DNAH5: variants seen among roughly 807,000 people sequenced by gnomAD.
DNAH5 encodes dynein axonemal heavy chain 5.
DNAH5 carries 372 observed loss-of-function variants against 518.2 expected under a neutral mutation model. The ratio of observed to expected loss-of-function variants is 0.72; its 90% CI spans 0.66 to 0.78. DNAH5 has a LOEUF of 0.78. Ranked by LOEUF, DNAH5 falls within the 30% of genes least tolerant of loss-of-function variation. The pLI is 0.00. For missense variants in DNAH5, 5,523 were observed against 5,687.0 expected, an observed-to-expected ratio of 0.97 and a Z score of 0.93; for synonymous variants, 2,039 against 2,025.9, an observed-to-expected ratio of 1.01 and a Z score of -0.17.
intron 47 of DNAH5, among the ~76,000 whole-genome samples, chr5:13,804,831 A>C (rs1341900499): frequency 1.3e-5 from 2 of 152,232 alleles, no homozygotes; most frequent in Non-Finnish European, 2.9e-5. Flanking sequence ...TGGTTTATGA[A>C]TTTGTATATC....
At chr5:13,952,639 A>G (rs1780504110) in intron 1 of DNAH5, among the ~76,000 whole-genome samples, 1 of 152,312 alleles carries the variant, frequency 6.6e-6, no homozygotes, top group African/African-American at 2.4e-5. Flanking sequence ...CCCATTTATA[A>G]TCCCATCCAG....
At chr5:13,826,011 A>T (rs1762845706) in intron 38 of DNAH5, among the ~76,000 whole-genome samples, 2 of 152,258 alleles carry the variant, frequency 1.3e-5, no homozygotes, top group Admixed American at 1.3e-4. Context: ...CAGGGAATTT[A>T]AATTCTAATA....
Position 13,787,135 on chromosome 5 carries a change from G to A in DNAH5, c.8648-784C>T, listed in dbSNP as rs559960676. ...CTCGGGAGGCTGAGGCAGGAGAATC[G>A]TCAGGAGGCCGAGGTTGCCATAAGC... On this transcript the variant is annotated intron_variant, in intron 51 of 78. Coordinates refer to ENST00000265104, the MANE Select transcript of DNAH5 (RefSeq NM_001369.3). 2.0e-5 allele frequency among the ~76,000 whole-genome samples: 3 copies of A among 151,182 alleles called. 1 individual carries two copies. Among genetic ancestry groups the A allele is most frequent in the Admixed American group, 1.3e-4 (2 of 15,164 alleles).
intron 1 of DNAH5, among the ~76,000 whole-genome samples, chr5:13,993,653 G>A (rs564463000): frequency 1.3e-5 from 2 of 152,140 alleles, no homozygotes; most frequent in African/African-American, 2.4e-5. Flanking sequence ...CTTATATCCC[G>A]TCTTCCAAAA....
chr5:13,777,489 T>C (rs1754283182), intron 53 of DNAH5, 134 bp from the exon 54 acceptor site: 1 of 653,740 alleles, frequency 1.5e-6, no homozygotes, highest in African/African-American at 1.8e-5. Context: ...ATGTATTCTA[T>C]ATGAATGTTA....
intron 44 of DNAH5, 157 bp from the exon 45 acceptor site, chr5:13,810,417 G>C: frequency 1.4e-6 from 1 of 740,344 alleles, no homozygotes; most frequent in Non-Finnish European, 2.3e-6. Context: ...ATGAAGAACT[G>C]ATCTCTGAGA....
chr5:13,900,313 A>G lies in DNAH5; in HGVS notation c.2152T>C (p.Phe718Leu), dbSNP rs777990201. 1.9e-6 allele frequency: 3 copies of G among 1,614,064 alleles called. No individual in the cohort carries two copies. Among genetic ancestry groups the G allele is most frequent in the African/African-American group, 2.7e-5 (2 of 74,938 alleles). The change falls in exon 15 of 79, where the codon TTT becomes CTT. Residue 718 changes from phenylalanine (F) to leucine (L), a missense_variant. Phe to Leu is a conservative substitution (Grantham distance 22, BLOSUM62 0). Coordinates refer to ENST00000265104, the MANE Select transcript of DNAH5 (RefSeq NM_001369.3). ...TGGGCCATGCACTCTGTTTCTCTAA[A>G]TAAGATTAATATCTGAGGGTCAAAG... ...VNFDPQILIL[F>L]RETECMAQMG...
At chr5:13,929,269 G>T (rs1194330410) in intron 2 of DNAH5, among the ~76,000 whole-genome samples, 1 of 152,176 alleles carries the variant, frequency 6.6e-6, no homozygotes, top group African/African-American at 2.4e-5. Flanking sequence ...CTTGTGTGAG[G>T]TACCTATGGA....
At chr5:13,967,453 A>C (rs895411268) in intron 1 of DNAH5, among the ~76,000 whole-genome samples, 3 of 152,012 alleles carry the variant, frequency 2.0e-5, no homozygotes, top group Admixed American at 6.6e-5. Flanking sequence ...TGCTTTATGT[A>C]TTTATTTGCT....
Position 13,817,634 on chromosome 5 carries a change from A to T in DNAH5, c.6902T>A (p.Met2301Lys). ...MNPKAITAPQ[M>K]FGRLDVATND... is the part of the protein sequence containing the mutation. ...TGTGGCAACGTCCAGCCGACCAAAC[A>T]TCTGTGGGGCAGTAATCGCTTTGGG... The change falls in exon 42 of 79, where the codon ATG (methionine) becomes AAG (lysine). Residue 2301 changes from methionine (M) to lysine (K), a missense_variant. Transcript: ENST00000265104. The T allele has an allele frequency of 6.2e-7, 1 of 1,614,170 alleles. No homozygotes were observed. Among genetic ancestry groups the T allele is most frequent in the Non-Finnish European group, 8.5e-7 (1 of 1,180,006 alleles).
intron 19 of DNAH5, 71 bp downstream of exon 19, chr5:13,884,918 A>G (rs1772182964): frequency 2.0e-6 from 2 of 1,018,738 alleles, no homozygotes; most frequent in Non-Finnish European, 2.6e-6. Flanking sequence ...ACACGTGCAC[A>G]CACACACACA....
chr5:14,000,610 A>G (rs1175099948), intron 1 of DNAH5, among the ~76,000 whole-genome samples: 2 of 150,038 alleles, frequency 1.3e-5, no homozygotes, highest in Non-Finnish European at 1.5e-5. Flanking sequence ...TCTCATACCC[A>G]TCAGAATGGC....
intron 65 of DNAH5, among the ~76,000 whole-genome samples, chr5:13,744,023 T>G (rs1748989877): frequency 6.6e-6 from 1 of 152,068 alleles, no homozygotes; most frequent in Non-Finnish European, 1.5e-5. Flanking sequence ...CGAAGGCATG[T>G]CTGCATCCCC....
In DNAH5 at chr5:13,810,127, C is replaced by A. The variant is rs752940121; in HGVS notation, c.7541G>T (p.Gly2514Val). ...CGCTGGCGGCGGCAGCTCCAGCGTCCCTGTGGGCCGAGAGCGCAGCCAGAG... is the reference window on the plus strand; with the variant it reads ...CGCTGGCGGCGGCAGCTCCAGCGTCACTGTGGGCCGAGAGCGCAGCCAGAG... ...LELWLRSRPT[G>V]TLELPPPAGP... Residue 2514 changes from glycine to valine, a missense_variant, in exon 45 of 79, where the codon GGG becomes GTG. Gly to Val is a moderately radical substitution (Grantham distance 109). Around this residue, in one of 3 missense-constraint regions of DNAH5, gnomAD observed 5,121 missense variants for 5,223.3 expected, o/e 0.98. Transcript: ENST00000265104. 1.4e-5 allele frequency: 22 copies of A among 1,550,000 alleles called. No individual in the cohort carries two copies. In the South Asian group the frequency reaches 2.6e-4, roughly 18 times the overall value.
intron 55 of DNAH5, among the ~76,000 whole-genome samples, chr5:13,771,858 CAAGT>C (rs1417252053): frequency 2.0e-5 from 3 of 152,110 alleles, no homozygotes; most frequent in Admixed American, 1.3e-4. Flanking sequence ...AGAAATGAAT[CAAGT>C]AAGCAAGGCT....
chr5:13,708,341 A>T lies in DNAH5; in HGVS notation c.13126-6T>A. On this transcript the variant is annotated splice_polypyrimidine_tract_variant and splice_region_variant and intron_variant, in intron 75 of 78. Transcript: ENST00000265104. The stretch of plus-strand genomic sequence containing the variant: ...TTCTGCAGCCTCTCTTTTACCTGCC[A>T]TGGAGACATTCAAAGCACATGTTAA... The T allele has an allele frequency of 6.2e-7, 1 of 1,613,694 alleles. No individual in the cohort carries two copies. The highest frequency in any genetic ancestry group is 8.5e-7 in the Non-Finnish European group (1 of 1,179,900).
intron 47 of DNAH5, among the ~76,000 whole-genome samples, chr5:13,806,795 C>T (rs1759665608): frequency 1.3e-5 from 2 of 152,008 alleles, no homozygotes; most frequent in African/African-American, 2.4e-5. Context: ...CTGGTGGTTT[C>T]ATTGGGAAAA....
chr5:13,870,810 C>T lies in DNAH5; in HGVS notation c.3791G>A (p.Arg1264Lys), dbSNP rs754431932. 1.2e-6 allele frequency: 2 copies of T among 1,613,796 alleles called. No individual in the cohort carries two copies. Among genetic ancestry groups the T allele is most frequent in the Non-Finnish European group, 1.7e-6 (2 of 1,179,820 alleles). The change falls in exon 24 of 79, where the codon AGG (arginine) becomes AAG (lysine). Residue 1264 changes from arginine to lysine, a missense_variant. Physicochemically the swap from Arg to Lys is conservative, Grantham distance 26. Around this residue, in one of 3 missense-constraint regions of DNAH5, gnomAD observed 5,121 missense variants for 5,223.3 expected, o/e 0.98. Transcript: ENST00000265104. The part of the protein sequence containing the change: ...RIAMAALKEI[R>K]EEQISIDFQV... The stretch of plus-strand genomic sequence containing the variant: ...AAAGTCAATGGAGATTTGCTCCTCC[C>T]TTATTTCTTTCAGCGCTGCCATTGC...
At chr5:13,824,096 A>G in intron 39 of DNAH5, 103 bp downstream of exon 39, 1 of 1,222,394 alleles carries the variant, frequency 8.2e-7, no homozygotes, top group Non-Finnish European at 1.2e-6. Context: ...ACAATTAGGC[A>G]TTTTAAATGA....
Sources: allele counts gnomAD v4.1 joint callset (sites outside exome capture counted in the v4.1 genomes callset), GRCh38; gene constraint gnomAD v4.1.1; regional missense constraint gnomAD v4.1.1; transcripts MANE v1.5; gene names NCBI Gene and HGNC (gene_info 2026-07-23, HGNC 2026-07-21).